Variants in RPS6KA4 observed in about 807,000 individuals in gnomAD.
RPS6KA4 encodes the protein ribosomal protein S6 kinase A4.
Under a neutral mutation model 89.6 loss-of-function variants are expected in RPS6KA4, and 38 were observed. The observed-to-expected ratio is 0.42, with a 90% CI of 0.33 to 0.56. RPS6KA4 has a LOEUF of 0.56. Ranked by LOEUF, RPS6KA4 falls within the 20% of genes least tolerant of loss-of-function variation. The probability of loss-of-function intolerance (pLI) is 0.07; values close to 1 mark genes in which losing one functional copy is unlikely to be tolerated. For synonymous variants in RPS6KA4, 495 were observed against 492.8 expected, an observed-to-expected ratio of 1.00 and a Z score of -0.06; for missense variants, 873 against 1,098.8, an observed-to-expected ratio of 0.79 and a Z score of 2.90.
In RPS6KA4 at chr11:64,372,150, G is replaced by A. The variant is rs2037092526; in HGVS notation, c.*670G>A. 1 of 152,792 alleles carries A rather than the reference G, an allele frequency of 6.5e-6. No individual in the cohort carries two copies. Among genetic ancestry groups the A allele is most frequent in the Admixed American group, 6.5e-5 (1 of 15,282 alleles). The allele number at this position is 152,792 out of a possible 1,614,324, so 9.5% of individuals were successfully genotyped here. A position where few individuals can be genotyped will look rare whatever the true frequency, so the allele number is the denominator to read the frequency against. The stretch of plus-strand genomic sequence containing the variant: ...TCTGGGCTGGGCATCCATGGTCACT[G>A]CCTCAGCCCAGCCAGGCTGTGCCTT... On this transcript the variant is annotated 3_prime_UTR_variant, in exon 17 of 17. Coordinates refer to ENST00000334205, the MANE Select transcript of RPS6KA4 (RefSeq NM_003942.3).
chr11:64,360,655 C>G, intron 4 of RPS6KA4, 63 bp downstream of exon 4: 1 of 1,410,668 alleles, frequency 7.1e-7, no homozygotes, highest in South Asian at 1.2e-5. Context: ...TGGAAGGAAT[C>G]TGCACGCAGG....
At position 64,368,929 on chromosome 11, in the gene RPS6KA4, A is replaced by G. The variant is rs1591318886; in HGVS notation, c.1428+132A>G. On this transcript the variant is annotated intron_variant, in intron 12 of 16. Transcript: ENST00000334205. ...GATTCGGGGCCCAAAGGGACCAGGG[A>G]GGCGCAGGGAGTGGAATTTGAGGGG... 6.1e-6 allele frequency: 5 copies of G among 819,362 alleles called. No individual in the cohort carries two copies. In the East Asian group the frequency reaches 1.1e-4, roughly 18 times the overall value. The allele number at this position is 819,362 out of a possible 1,614,324, so 50.8% of individuals were successfully genotyped here. A position where few individuals can be genotyped will look rare whatever the true frequency, so the allele number is the denominator to read the frequency against.
At position 64,369,521 on chromosome 11, in the gene RPS6KA4, A is replaced by G; in HGVS notation, c.1504A>G (p.Ser502Gly). ...LEHIRKKRHF[S>G]ESEASQILRS... is the part of the protein sequence containing the mutation. ...GCACATCCGCAAGAAGCGGCACTTC[A>G]GCGAGTCGGAAGCAAGCCAGATCCT... The change falls in exon 13 of 17, where the codon AGC becomes GGC. Residue 502 changes from serine (S) to glycine (G), a missense_variant. This residue lies in a region of RPS6KA4 where 542 missense variants were observed against 736.4 expected (regional missense o/e 0.74). Transcript: ENST00000334205. The G allele has an allele frequency of 6.2e-7, 1 of 1,609,370 alleles. No individual in the cohort carries two copies. The highest frequency in any genetic ancestry group is 8.5e-7 in the Non-Finnish European group (1 of 1,178,626).
intron 1 of RPS6KA4, 43 bp downstream of exon 1, chr11:64,359,333 A>C (rs1164115732): frequency 1.9e-6 from 3 of 1,608,746 alleles, no homozygotes; most frequent in Non-Finnish European, 2.5e-6. Flanking sequence ...GCAGGCCGGG[A>C]CGGGTCATGG....
chr11:64,362,227 A>T (rs1484171035), intron 8 of RPS6KA4, among the ~76,000 whole-genome samples: 1 of 152,254 alleles, frequency 6.6e-6, no homozygotes, highest in Non-Finnish European at 1.5e-5. Flanking sequence ...TGGGGCTGTC[A>T]GGGATTTGAG....
intron 12 of RPS6KA4, 99 bp from the exon 13 acceptor site, chr11:64,369,344 GAAC>G: frequency 7.7e-7 from 1 of 1,293,514 alleles, no homozygotes; most frequent in Non-Finnish European, 1.0e-6. Context: ...GGGGGTTCTC[GAAC>G]ATTGGCAGGG....
At chr11:64,371,083 G>T (rs990135672) in intron 16 of RPS6KA4, among the ~76,000 whole-genome samples, 200 bp from the exon 17 acceptor site, 3 of 139,966 alleles carry the variant, frequency 2.1e-5, no homozygotes, top group Non-Finnish European at 4.6e-5. Flanking sequence ...CAGCCTGGGC[G>T]ACAGAGGGAG....
Position 64,365,338 on chromosome 11 carries a change from C to T in RPS6KA4, c.944C>T (p.Pro315Leu), listed in dbSNP as rs201253556. ...GTGGCTCTGGCTGCCAGGAAGATTC[C>T]AGCCCCATTCCGGCCCCAAATCCGC... Reference protein sequence around the residue: ...DWVALAARKIPAPFRPQIRSE... With the variant: ...DWVALAARKILAPFRPQIRSE... The change falls in exon 9 of 17, where the codon CCA becomes CTA. Residue 315 changes from proline to leucine, a missense_variant. Pro to Leu is a moderately conservative substitution (Grantham distance 98). Transcript: ENST00000334205. 6.2e-7 allele frequency: 1 copy of T among 1,614,004 alleles called. No homozygotes were observed. The highest frequency in any genetic ancestry group is 1.3e-5 in the African/African-American group (1 of 75,040).
In RPS6KA4 at chr11:64,361,032, ACTT is replaced by A; in HGVS notation, c.463-101_463-99del. The A allele has an allele frequency of 2.3e-6, 2 of 876,836 alleles. No individual in the cohort carries two copies. The highest frequency in any genetic ancestry group is 1.8e-6 in the Non-Finnish European group (1 of 567,402). 54.3% of individuals were successfully genotyped at this position (876,836 alleles called of 1,614,324 possible). A position where few individuals can be genotyped will look rare whatever the true frequency, so the allele number is the denominator to read the frequency against. ...TGGAGACCCCCTCTACAGGCAGATG[ACTT>A]TCTCTGGGGGGTCTCCTTATCCTGA... On this transcript the variant is annotated intron_variant, in intron 4 of 16. Transcript: ENST00000334205. This position sits in a 1 kb window ranked among gnomAD's most constrained non-coding sequence, Gnocchi z 4.7.
chr11:64,371,167 G>A, intron 16 of RPS6KA4, 116 bp from the exon 17 acceptor site: 2 of 892,308 alleles, frequency 2.2e-6, no homozygotes, highest in Non-Finnish European at 3.5e-6. Flanking sequence ...GGAGGCCAAG[G>A]CCCTGTCGGC....
In RPS6KA4 at chr11:64,368,537, G is replaced by A. The variant is rs1392576844; in HGVS notation, c.1270G>A (p.Val424Met). The A allele has an allele frequency of 6.3e-7, 1 of 1,584,740 alleles. No homozygotes were observed. Among genetic ancestry groups the A allele is most frequent in the Non-Finnish European group, 8.6e-7 (1 of 1,167,844 alleles). Residue 424 changes from valine to methionine, a missense_variant, in exon 11 of 17, where the codon GTG becomes ATG. Transcript: ENST00000334205. ...EPALGQGSFS[V>M]CRRCRQRQSG... ...TGCGCTGGGCCAGGGCAGCTTTTCT[G>A]TGTGTCGCCGCTGCCGCCAGCGCCA...
Position 64,369,727 on chromosome 11 carries a change from G to A in RPS6KA4, c.1631G>A (p.Gly544Glu), listed in dbSNP as rs1422279060. 1 of 1,610,854 alleles carries A rather than the reference G, an allele frequency of 6.2e-7. No individual in the cohort carries two copies. The highest frequency in any genetic ancestry group is 2.2e-5 in the East Asian group (1 of 44,826). The change falls in exon 14 of 17, where the codon GGG becomes GAG. Residue 544 changes from glycine (G) to glutamate (E), a missense_variant. This residue lies in a region of RPS6KA4 where 542 missense variants were observed against 736.4 expected (regional missense o/e 0.74). Coordinates refer to ENST00000334205, the MANE Select transcript of RPS6KA4 (RefSeq NM_003942.3). ...ATCCTGTACGCCGACGACACGCCCG[G>A]GGCCCCGGTGAAAATCATCGACTTC... ...ENILYADDTP[G>E]APVKIIDFGF...
In RPS6KA4 at chr11:64,362,016, A is replaced by C; in HGVS notation, c.906+14A>C. ...CCCTTCTTCCAGGTGAGGCTGACTC[A>C]GGGCCCCATACCTCCTGGTGCATAC... On this transcript the variant is annotated intron_variant, in intron 8 of 16. Transcript: ENST00000334205. 1 of 1,605,216 alleles carries C rather than the reference A, an allele frequency of 6.2e-7. No individual in the cohort carries two copies. Among genetic ancestry groups the C allele is most frequent in the Non-Finnish European group, 8.5e-7 (1 of 1,177,258 alleles).
Position 64,359,171 on chromosome 11 carries a change from G to T in RPS6KA4, c.-65G>T. Reference sequence around the variant, plus strand: ...GCACCAGGAAGCGCCCGCCCCGGCCGGAGCCGCCATGTAACCGGCGCCGCC... The same window carrying T: ...GCACCAGGAAGCGCCCGCCCCGGCCTGAGCCGCCATGTAACCGGCGCCGCC... On this transcript the variant is annotated 5_prime_UTR_variant, in exon 1 of 17. Coordinates refer to ENST00000334205, the MANE Select transcript of RPS6KA4 (RefSeq NM_003942.3). The T allele has an allele frequency of 8.2e-7, 1 of 1,214,502 alleles. No individual in the cohort carries two copies. The highest frequency in any genetic ancestry group is 1.0e-6 in the Non-Finnish European group (1 of 966,938). 75.2% of individuals were successfully genotyped at this position (1,214,502 alleles called of 1,614,324 possible). A position where few individuals can be genotyped will look rare whatever the true frequency, so the allele number is the denominator to read the frequency against.
At position 64,371,697 on chromosome 11, in the gene RPS6KA4, G is replaced by A; in HGVS notation, c.*217G>A. The A allele has an allele frequency of 6.2e-6, 3 of 480,672 alleles. No homozygotes were observed. Among genetic ancestry groups the A allele is most frequent in the Admixed American group, 4.0e-5 (1 of 25,132 alleles). The allele number at this position is 480,672 out of a possible 1,614,324, so 29.8% of individuals were successfully genotyped here. On this transcript the variant is annotated 3_prime_UTR_variant, in exon 17 of 17. Transcript: ENST00000334205. ...TGCAGGGAAGGGGGGGCCTGCTGGG[G>A]AGTGGGGTTTGGGGGGCCCTCTCCC...
At chr11:64,360,810 TC>T (rs2036725357) in intron 4 of RPS6KA4, among the ~76,000 whole-genome samples, 1 of 152,080 alleles carries the variant, frequency 6.6e-6, no homozygotes, top group African/African-American at 2.4e-5. Context: ...GAAGGGGCTT[TC>T]CTCTTTCAGG....
Position 64,362,021 on chromosome 11 carries a change from C to T in RPS6KA4, c.906+19C>T. On this transcript the variant is annotated intron_variant, in intron 8 of 16. Coordinates refer to ENST00000334205, the MANE Select transcript of RPS6KA4 (RefSeq NM_003942.3). ...CTTCCAGGTGAGGCTGACTCAGGGC[C>T]CCATACCTCCTGGTGCATACCCAGG... 1 of 1,601,582 alleles carries T rather than the reference C, an allele frequency of 6.2e-7. No homozygotes were observed. The highest frequency in any genetic ancestry group is 8.5e-7 in the Non-Finnish European group (1 of 1,176,210).
At chr11:64,359,848 C>T (rs942592515) in intron 2 of RPS6KA4, 43 of 546,840 alleles carry the variant, frequency 7.9e-5, no homozygotes, top group Non-Finnish European at 1.3e-4. Flanking sequence ...CTTCCTTGCA[C>T]TGGCATCTTT....
In RPS6KA4 at chr11:64,359,190, C is replaced by A; in HGVS notation, c.-46C>A. Reference sequence around the variant, plus strand: ...CCGGCCGGAGCCGCCATGTAACCGGCGCCGCCCGGAGCCCGAGCCGCGCGG... The same window carrying A: ...CCGGCCGGAGCCGCCATGTAACCGGAGCCGCCCGGAGCCCGAGCCGCGCGG... On this transcript the variant is annotated 5_prime_UTR_variant, in exon 1 of 17. Transcript: ENST00000334205. 7.9e-7 allele frequency: 1 copy of A among 1,263,042 alleles called. No homozygotes were observed. Among genetic ancestry groups the A allele is most frequent in the Non-Finnish European group, 1.0e-6 (1 of 996,926 alleles). 78.2% of individuals were successfully genotyped at this position (1,263,042 alleles called of 1,614,324 possible).
Sources: gnomAD v4.1 joint callset for allele counts (sites outside exome capture counted in the v4.1 genomes callset) on GRCh38, gnomAD v4.1.1 for gene constraint, gnomAD v4.1.1 regional missense constraint, Gnocchi (gnomAD v3.1) non-coding constraint, MANE v1.5 for transcripts, NCBI Gene and HGNC (gene_info 2026-07-23, HGNC 2026-07-21) for gene names.